Variants in INO80 observed in about 807,000 individuals in gnomAD.
INO80 encodes INO80 complex ATPase subunit, also known as chromatin-remodeling ATPase INO80.
In INO80, 20 loss-of-function variants were observed where a neutral mutation model predicts 203.4. The ratio of observed to expected loss-of-function variants is 0.10; its 90% CI spans 0.07 to 0.14. The LOEUF (loss-of-function observed/expected upper bound fraction) is 0.14, where lower values mean the gene tolerates loss of function less well. INO80 is among the 10% of genes least tolerant of loss of function. The pLI, the probability that INO80 is intolerant of heterozygous loss-of-function variation, is 1.00. For synonymous variants in INO80, 726 were observed against 685.2 expected, an observed-to-expected ratio of 1.06 and a Z score of -0.93; for missense variants, 1,419 against 1,914.4, an observed-to-expected ratio of 0.74 and a Z score of 4.83.
intron 1 of INO80, among the ~76,000 whole-genome samples, chr15:41,099,740 C>T (rs1463232415): frequency 6.6e-6 from 1 of 151,782 alleles, no homozygotes; most frequent in Non-Finnish European, 1.5e-5. Flanking sequence ...CATGAACGCA[C>T]CACTGTACTC....
At chr15:41,098,145 C>T (rs543392297) in intron 1 of INO80, among the ~76,000 whole-genome samples, 16 of 152,234 alleles carry the variant, frequency 1.1e-4, no homozygotes, top group South Asian at 2.1e-4. Flanking sequence ...CCACCACGCC[C>T]GGCCAACTAA....
At chr15:41,103,305 C>G (rs1460536810) in intron 1 of INO80, among the ~76,000 whole-genome samples, 1 of 152,160 alleles carries the variant, frequency 6.6e-6, no homozygotes, top group Non-Finnish European at 1.5e-5. Context: ...CTACTGCTTC[C>G]TAATTGACTT....
In INO80 at chr15:41,085,437, A is replaced by C; in HGVS notation, c.805T>G (p.Ser269Ala). 6.2e-7 allele frequency: 1 copy of C among 1,614,156 alleles called. No individual in the cohort carries two copies. Among genetic ancestry groups the C allele is most frequent in the Non-Finnish European group, 8.5e-7 (1 of 1,180,034 alleles). ...PPPGTKKKHL[S>A]IEQLNARRRK... ...CGACGAGCATTCAGCTGCTCAATGG[A>C]TAAGTGCTTTTTCTTAGTGCCAGGG... The change falls in exon 7 of 36, where the codon TCC (serine) becomes GCC (alanine). Residue 269 changes from serine to alanine, a missense_variant. This residue lies in a region of INO80 where 323 missense variants were observed against 325.4 expected (regional missense o/e 0.99). Coordinates refer to ENST00000648947, the MANE Select transcript of INO80 (RefSeq NM_017553.3).
In INO80 at chr15:41,079,802, G is replaced by C. The variant is rs2045458670; in HGVS notation, c.1030C>G (p.Leu344Val). The C allele has an allele frequency of 6.2e-7, 1 of 1,614,008 alleles. No individual in the cohort carries two copies. The highest frequency in any genetic ancestry group is 1.1e-5 in the South Asian group (1 of 91,084). ...TTCTCATATTTCTTCCAGTACAGAA[G>C]CATCTCCTTGGTGAGGCGGCGGGCA... ...PRARRLTKEM[L>V]LYWKKYEKVE... The change falls in exon 9 of 36, where the codon CTT becomes GTT. Residue 344 changes from leucine to valine, a missense_variant. Coordinates refer to ENST00000648947, the MANE Select transcript of INO80 (RefSeq NM_017553.3).
intron 25 of INO80, among the ~76,000 whole-genome samples, chr15:41,024,210 T>G (rs943988399): frequency 1.3e-5 from 2 of 152,210 alleles, no homozygotes; most frequent in African/African-American, 4.8e-5. Context: ...AGAGGCTTCT[T>G]TGGCCAGGAG....
intron 1 of INO80, among the ~76,000 whole-genome samples, chr15:41,099,280 C>T (rs565074424): frequency 7.9e-6 from 1 of 127,358 alleles, no homozygotes; most frequent in East Asian, 2.2e-4. Context: ...AACACACACA[C>T]ACACACACAA....
intron 1 of INO80, among the ~76,000 whole-genome samples, chr15:41,114,144 G>A (rs2140724651): frequency 6.6e-6 from 1 of 151,986 alleles, no homozygotes; most frequent in South Asian, 2.1e-4. Flanking sequence ...GCGGGCGCCT[G>A]TAATACCAGC....
chr15:41,071,882 T>C lies in INO80; in HGVS notation c.1572A>G (p.Lys524=). The C allele has an allele frequency of 6.2e-7, 1 of 1,614,056 alleles. No homozygotes were observed. The highest frequency in any genetic ancestry group is 8.5e-7 in the Non-Finnish European group (1 of 1,179,966). Residue 524 remains lysine, a synonymous_variant, in exon 12 of 36, where the codon AAA becomes AAG. Transcript: ENST00000648947. ...FNGKLKGYQL[K]GMNWLANLYE... The stretch of plus-strand genomic sequence containing the variant: ...ATAGATTGGCCAACCAATTCATGCC[T>C]TTCAGTTGATAACCTTTCAATTTGC...
At chr15:41,087,493 C>T in intron 6 of INO80, 69 bp downstream of exon 6, 4 of 1,537,274 alleles carry the variant, frequency 2.6e-6, no homozygotes, top group South Asian at 2.4e-5. Flanking sequence ...AGTCCAAATG[C>T]ACCAGTAGGC....
chr15:41,061,629 A>T (rs1006057276), intron 14 of INO80, among the ~76,000 whole-genome samples: 5 of 151,912 alleles, frequency 3.3e-5, no homozygotes, highest in Non-Finnish European at 7.4e-5. Flanking sequence ...TTTCAAAAAA[A>T]TAAATAAAAT....
intron 29 of INO80, among the ~76,000 whole-genome samples, chr15:40,988,519 G>A (rs2043771799): frequency 1.3e-5 from 2 of 152,220 alleles, no homozygotes; most frequent in Non-Finnish European, 2.9e-5. Flanking sequence ...CTGGGAGGCA[G>A]AGGTTGCGGT....
intron 14 of INO80, among the ~76,000 whole-genome samples, chr15:41,062,419 T>C (rs1217048415): frequency 2.0e-5 from 3 of 152,050 alleles, no homozygotes; most frequent in South Asian, 2.1e-4. Flanking sequence ...CTGGCCAACA[T>C]GGCAAAACCC....
intron 6 of INO80, among the ~76,000 whole-genome samples, chr15:41,086,289 G>A (rs1446639353): frequency 1.3e-5 from 2 of 151,980 alleles, no homozygotes; most frequent in Non-Finnish European, 2.9e-5. Flanking sequence ...GTGTGTGGAG[G>A]GTGAGAAAAC....
At position 41,113,530 on chromosome 15, in the gene INO80, A is replaced by T. The variant is rs113724631; in HGVS notation, c.-44+2443T>A. Among the ~76,000 whole-genome samples the T allele has an allele frequency of 4.6e-3, 695 of 152,320 alleles. 6 individuals carry two copies. Among genetic ancestry groups the T allele is most frequent in the African/African-American group, 0.016 (669 of 41,568 alleles). The stretch of plus-strand genomic sequence containing the variant: ...TGATCCACCTGCCTCAGTCTCCCAA[A>T]GTGCAGGGATTACAGGCGTGAGCCA... On this transcript the variant is annotated intron_variant, in intron 1 of 35. Transcript: ENST00000648947.
intron 27 of INO80, among the ~76,000 whole-genome samples, chr15:41,011,221 A>C (rs1351890587): frequency 2.0e-5 from 3 of 152,172 alleles, no homozygotes; most frequent in Non-Finnish European, 4.4e-5. Context: ...ATTTGTTCTT[A>C]AGTTCAGATG....
At chr15:40,988,017 A>C (rs2043763070) in intron 29 of INO80, 43 bp from the exon 30 acceptor site, 5 of 1,555,382 alleles carry the variant, frequency 3.2e-6, no homozygotes, top group Non-Finnish European at 4.4e-6. Flanking sequence ...TTAGGGAAGG[A>C]CCAGAAATTC....
chr15:41,105,616 G>C (rs1010396835), intron 1 of INO80, among the ~76,000 whole-genome samples: 1 of 152,116 alleles, frequency 6.6e-6, no homozygotes, highest in African/African-American at 2.4e-5. Flanking sequence ...AGGCTCCTAC[G>C]ACATAAAACT....
At position 41,069,603 on chromosome 15, in the gene INO80, G is replaced by T; in HGVS notation, c.1749C>A (p.His583Gln). 6.2e-7 allele frequency: 1 copy of T among 1,609,108 alleles called. No individual in the cohort carries two copies. The part of the protein sequence containing the change: ...ISPASTLNNW[H>Q]QEFTRFVPKF... ...TAGGAACAAATCTAGTAAACTCCTG[G>T]TGCCAATTGTTAAGTGTAGACGCAG... The change falls in exon 14 of 36, where the codon CAC (histidine) becomes CAA (glutamine). Residue 583 changes from histidine (H) to glutamine (Q), a missense_variant. By Grantham distance (24) the His-to-Gln change is conservative. Around this residue, in one of 9 missense-constraint regions of INO80, gnomAD observed 192 missense variants for 406.7 expected, o/e 0.47. Transcript: ENST00000648947.
chr15:41,028,345 A>G (rs2140481518), intron 24 of INO80, among the ~76,000 whole-genome samples: 1 of 152,088 alleles, frequency 6.6e-6, no homozygotes, highest in East Asian at 1.9e-4. Context: ...CATGTTGGCC[A>G]GGCTGGTCTC....
Sources: allele counts gnomAD v4.1 joint callset (sites outside exome capture counted in the v4.1 genomes callset), GRCh38; gene constraint gnomAD v4.1.1; regional missense constraint gnomAD v4.1.1; transcripts MANE v1.5; gene names NCBI Gene and HGNC (gene_info 2026-07-23, HGNC 2026-07-21).